Variants in COPS4 observed in about 807,000 individuals in gnomAD.
COPS4 encodes COP9 signalosome subunit 4.
COPS4 carries 8 observed loss-of-function variants against 55.1 expected under a neutral mutation model. The observed-to-expected ratio is 0.15, with a 90% CI of 0.09 to 0.26. The LOEUF (loss-of-function observed/expected upper bound fraction) is 0.26, where lower values mean the gene tolerates loss of function less well. Among genes scored for constraint, COPS4 ranks in the 10% least tolerant of loss-of-function variants. The probability of loss-of-function intolerance (pLI) is 1.00; values close to 1 mark genes in which losing one functional copy is unlikely to be tolerated. For missense variants in COPS4, 248 were observed against 484.0 expected (o/e 0.51, Z 4.58); for synonymous variants, 185 against 165.7 (o/e 1.12, Z -0.90).
At chr4:83,062,513 A>G (rs2126133072) in intron 6 of COPS4, among the ~76,000 whole-genome samples, 1 of 152,306 alleles carries the variant, frequency 6.6e-6, no homozygotes, top group Non-Finnish European at 1.5e-5. Context: ...CCGAGGTTGA[A>G]CATGTAGATT....
At chr4:83,067,944 A>T (rs939796523) in intron 8 of COPS4, among the ~76,000 whole-genome samples, 1 of 152,232 alleles carries the variant, frequency 6.6e-6, no homozygotes, top group Admixed American at 6.5e-5. Flanking sequence ...GCTTATGCAC[A>T]GTAAACATTA....
chr4:83,046,218 G>A (rs538360898), intron 2 of COPS4, among the ~76,000 whole-genome samples: 6 of 152,224 alleles, frequency 3.9e-5, no homozygotes, highest in Non-Finnish European at 7.4e-5. Context: ...TCAGAGAAAT[G>A]CAAATCAATG....
intron 6 of COPS4, among the ~76,000 whole-genome samples, chr4:83,062,765 A>G (rs1731193185): frequency 6.6e-6 from 1 of 152,226 alleles, no homozygotes; most frequent in Non-Finnish European, 1.5e-5. Flanking sequence ...ATGTTAATGA[A>G]TCAACAATAT....
chr4:83,057,132 C>A, intron 5 of COPS4, 53 bp downstream of exon 5: 1 of 1,536,548 alleles, frequency 6.5e-7, no homozygotes, highest in Non-Finnish European at 8.9e-7. Context: ...TTGTAACATA[C>A]TAAGATGTTC....
Position 83,060,186 on chromosome 4 carries a change from C to CTTT in COPS4, c.715+2791_715+2793dup, listed in dbSNP as rs70943198. Among the ~76,000 whole-genome samples the CTTT allele has an allele frequency of 7.9e-5, 11 of 139,900 alleles. 1 individual carries two copies. The highest frequency in any genetic ancestry group is 4.2e-4 in the East Asian group (2 of 4,796). The allele number at this position is 139,900 out of a possible 152,430, so 91.8% of individuals were successfully genotyped here. A position where few individuals can be genotyped will look rare whatever the true frequency, so the allele number is the denominator to read the frequency against. ...AGTATACTTGACAGATGGTATAGTT[C>CTTT]TTTTTTTTTTTTTTTGAGATGGAGT... On this transcript the variant is annotated intron_variant, in intron 6 of 9. Coordinates refer to ENST00000264389, the MANE Select transcript of COPS4 (RefSeq NM_016129.3).
At chr4:83,061,578 C>G (rs905034080) in intron 6 of COPS4, among the ~76,000 whole-genome samples, 2 of 152,132 alleles carry the variant, frequency 1.3e-5, no homozygotes, top group Non-Finnish European at 2.9e-5. Flanking sequence ...TTCTTATTGG[C>G]TGCTAGGAAT....
rs769945377 is a variant in COPS4 at position 83,049,163 on chromosome 4, A to G, written c.155-3A>G. ...TCTTATCTTTTTTTTTTTTTTAAACAAGTGGTAAATGAGAATGTCAGTCTC... is the reference window on the plus strand; with the variant it reads ...TCTTATCTTTTTTTTTTTTTTAAACGAGTGGTAAATGAGAATGTCAGTCTC... On this transcript the variant is annotated splice_region_variant and splice_polypyrimidine_tract_variant and intron_variant, in intron 2 of 9. Coordinates refer to ENST00000264389, the MANE Select transcript of COPS4 (RefSeq NM_016129.3). The G allele has an allele frequency of 2.0e-5, 32 of 1,583,590 alleles. No individual in the cohort carries two copies.
intron 6 of COPS4, among the ~76,000 whole-genome samples, chr4:83,057,919 C>CAAAA (rs960818183): frequency 1.8e-5 from 1 of 54,288 alleles, no homozygotes; most frequent in African/African-American, 6.7e-5. Flanking sequence ...GACTCTGTCT[C>CAAAA]AAAAAAAAAA....
At chr4:83,046,975 G>A (rs1403118431) in intron 2 of COPS4, among the ~76,000 whole-genome samples, 1 of 152,042 alleles carries the variant, frequency 6.6e-6, no homozygotes, top group Non-Finnish European at 1.5e-5. Context: ...TAACTTAAAT[G>A]CCTAATGACA....
At chr4:83,073,143 T>A in intron 9 of COPS4, 1 of 527,214 alleles carries the variant, frequency 1.9e-6, no homozygotes, top group East Asian at 2.9e-5. Flanking sequence ...CACGACATTT[T>A]CATCTTTCCA....
chr4:83,054,004 T>G (rs1730954975), intron 4 of COPS4, among the ~76,000 whole-genome samples: 1 of 152,104 alleles, frequency 6.6e-6, no homozygotes, highest in Non-Finnish European at 1.5e-5. Flanking sequence ...AAACACTTCC[T>G]CTTCCAGTTG....
At position 83,041,975 on chromosome 4, in the gene COPS4, G is replaced by T. The variant is rs191934735; in HGVS notation, c.75-3651G>T. 6.6e-3 allele frequency among the ~76,000 whole-genome samples: 986 copies of T among 150,014 alleles called. 8 individuals carry two copies. Among genetic ancestry groups the T allele is most frequent in the African/African-American group, 0.023 (921 of 40,768 alleles). On this transcript the variant is annotated intron_variant, in intron 1 of 9. Transcript: ENST00000264389. ...TGCCTCCCAGGTTCAAGTGATTCTC[G>T]TGCCTCAGCCTCCCGAGTAGCTGAG... is the stretch of plus-strand genomic sequence containing the variant.
chr4:83,035,683 C>CT (rs925623301), intron 1 of COPS4: 117 of 176,746 alleles, frequency 6.6e-4, no homozygotes, highest in South Asian at 1.2e-3. Flanking sequence ...CCTTCCTCCT[C>CT]TTTTTTTTTG....
intron 7 of COPS4, among the ~76,000 whole-genome samples, chr4:83,066,218 T>G (rs995821021): frequency 4.6e-5 from 7 of 152,246 alleles, no homozygotes; most frequent in African/African-American, 1.7e-4. Context: ...TAGATCTATA[T>G]GCTTAATAAT....
chr4:83,069,831 T>G (rs1420912793), intron 9 of COPS4, among the ~76,000 whole-genome samples: 1 of 152,214 alleles, frequency 6.6e-6, no homozygotes, highest in African/African-American at 2.4e-5. Flanking sequence ...CCTGTCTGGT[T>G]GTTCCACTTG....
At chr4:83,051,002 T>C (rs144973675) in intron 4 of COPS4, among the ~76,000 whole-genome samples, 40 of 151,322 alleles carry the variant, frequency 2.6e-4, no homozygotes, top group African/African-American at 9.2e-4. Flanking sequence ...CTCACACCTA[T>C]GGTCCAAGCA....
chr4:83,068,293 A>G (rs1731337938), intron 8 of COPS4, 145 bp from the exon 9 acceptor site: 5 of 598,950 alleles, frequency 8.3e-6, no homozygotes, highest in African/African-American at 1.9e-5. Flanking sequence ...AGCCAGATTT[A>G]CAAGATTTAC....
At chr4:83,056,904 G>A in intron 4 of COPS4, 22 bp from the exon 5 acceptor site, 2 of 1,547,624 alleles carry the variant, frequency 1.3e-6, no homozygotes, top group Non-Finnish European at 1.8e-6. Context: ...GAGTCATTAT[G>A]TGTTTTTCTG....
At chr4:83,037,770 C>T (rs1276344742) in intron 1 of COPS4, among the ~76,000 whole-genome samples, 2 of 151,920 alleles carry the variant, frequency 1.3e-5, no homozygotes, top group Non-Finnish European at 2.9e-5. Flanking sequence ...TCTAAAACAT[C>T]AATACTGTGT....
Sources: allele counts gnomAD v4.1 joint callset (sites outside exome capture counted in the v4.1 genomes callset), GRCh38; gene constraint gnomAD v4.1.1; transcripts MANE v1.5; gene names NCBI Gene and HGNC (gene_info 2026-07-23, HGNC 2026-07-21).